The following TRIM36 variants were observed in gnomAD, a reference collection of about 807,000 sequenced individuals.
The protein encoded by TRIM36 is E3 ubiquitin-protein ligase TRIM36.
Under a neutral mutation model 72.4 loss-of-function variants are expected in TRIM36, and 42 were observed. The ratio of observed to expected loss-of-function variants is 0.58; its 90% CI spans 0.45 to 0.75. The LOEUF (loss-of-function observed/expected upper bound fraction) is 0.75, where lower values mean the gene tolerates loss of function less well. Among genes scored for constraint, TRIM36 ranks in the 30% least tolerant of loss-of-function variants. TRIM36 has a pLI of 0.00. For missense variants in TRIM36, 913 were observed against 857.1 expected, an observed-to-expected ratio of 1.07 and a Z score of -0.81; for synonymous variants, 315 against 282.8, an observed-to-expected ratio of 1.11 and a Z score of -1.14.
intron 7 of TRIM36, among the ~76,000 whole-genome samples, chr5:115,135,548 A>G (rs1016320415): frequency 5.9e-5 from 9 of 151,766 alleles, no homozygotes; most frequent in Non-Finnish European, 1.0e-4. Context: ...GGTGACTACT[A>G]TCCCATTCTC....
chr5:115,145,424 TTAAG>T (rs1407748371), intron 3 of TRIM36, among the ~76,000 whole-genome samples: 3 of 152,208 alleles, frequency 2.0e-5, no homozygotes, highest in East Asian at 1.9e-4. Context: ...GGAGATTCCT[TTAAG>T]TTAGTATGTT....
chr5:115,172,416 TAAAATC>T (rs201959147), upstream of TRIM36, among the ~76,000 whole-genome samples: 373 of 152,284 alleles, frequency 2.4e-3, 6 homozygotes, highest in East Asian at 0.058. Context: ...ATGCAGCAGT[TAAAATC>T]AATGTACTGA....
At chr5:115,173,581 T>A (rs1259820714), upstream of TRIM36, among the ~76,000 whole-genome samples, 2 of 151,858 alleles carry the variant, frequency 1.3e-5, no homozygotes, top group Admixed American at 6.6e-5. Flanking sequence ...AGTTAGAGGG[T>A]GGTAAACCTG....
At chr5:115,179,638 G>A (rs1011075804) in intron 1 of TRIM36, among the ~76,000 whole-genome samples, 2 of 152,210 alleles carry the variant, frequency 1.3e-5, no homozygotes, top group Non-Finnish European at 2.9e-5. Flanking sequence ...CTGGTTGGTG[G>A]GGCAGCGCCC....
At chr5:115,164,294 A>C (rs1379533777) in intron 1 of TRIM36, among the ~76,000 whole-genome samples, 1 of 152,210 alleles carries the variant, frequency 6.6e-6, no homozygotes, top group Non-Finnish European at 1.5e-5. Flanking sequence ...ATTCTTCATT[A>C]ATGCCTGAGG....
At chr5:115,131,629 C>T (rs753177599) in intron 8 of TRIM36, among the ~76,000 whole-genome samples, 2 of 152,014 alleles carry the variant, frequency 1.3e-5, no homozygotes, top group African/African-American at 4.8e-5. Flanking sequence ...TATTATTCAG[C>T]CTTAAAAAGG....
At chr5:115,136,058 A>C (rs1384666481) in intron 7 of TRIM36, among the ~76,000 whole-genome samples, 6 of 152,128 alleles carry the variant, frequency 3.9e-5, no homozygotes, top group Non-Finnish European at 7.3e-5. Context: ...GAGTAGCAAA[A>C]TACAAACGTA....
intron 1 of TRIM36, chr5:115,179,882 G>A: frequency 7.8e-7 from 1 of 1,274,086 alleles, no homozygotes; most frequent in Non-Finnish European, 1.1e-6. Context: ...GCCCTTCCCA[G>A]GCGCTGGAAT....
chr5:115,168,928 C>A (rs1482122089), intron 1 of TRIM36: 1 of 152,208 alleles, frequency 6.6e-6, no homozygotes, highest in Non-Finnish European at 1.5e-5. Flanking sequence ...TGTCTTGAAT[C>A]TGACTTTTTA....
chr5:115,163,309 A>G (rs569455758), intron 2 of TRIM36, among the ~76,000 whole-genome samples: 5 of 152,200 alleles, frequency 3.3e-5, no homozygotes, highest in South Asian at 4.1e-4. Context: ...TCAATATCCA[A>G]TATCTACTTC....
At chr5:115,160,395 A>T (rs1754419081) in intron 2 of TRIM36, among the ~76,000 whole-genome samples, 1 of 152,198 alleles carries the variant, frequency 6.6e-6, no homozygotes, top group African/African-American at 2.4e-5. Context: ...ATTATTAAAG[A>T]TCATTTCACA....
At chr5:115,138,983 AT>A (rs919067139) in intron 5 of TRIM36, among the ~76,000 whole-genome samples, 6 of 143,022 alleles carry the variant, frequency 4.2e-5, no homozygotes, top group South Asian at 2.2e-4. Context: ...ACCCTACTAA[AT>A]TTTTTTTTGT....
intron 5 of TRIM36, 69 bp from the exon 6 acceptor site, chr5:115,137,685 T>A (rs921361190): frequency 6.8e-7 from 1 of 1,467,490 alleles, no homozygotes; most frequent in Admixed American, 2.4e-5. Flanking sequence ...TAAACCCAAA[T>A]GGCTTTCCAC....
At chr5:115,137,756 C>T (rs1753040629) in intron 5 of TRIM36, 140 bp from the exon 6 acceptor site, 2 of 969,462 alleles carry the variant, frequency 2.1e-6, no homozygotes, top group South Asian at 2.4e-5. Flanking sequence ...TTTGATAAAA[C>T]CAACCTAGAT....
At chr5:115,177,524 T>A (rs767490992) in intron 1 of TRIM36, 1 of 1,342,710 alleles carries the variant, frequency 7.4e-7, no homozygotes, top group Non-Finnish European at 9.6e-7. Context: ...ATAAAGCAAG[T>A]CAGTCTCAAA....
upstream of TRIM36, among the ~76,000 whole-genome samples, chr5:115,170,310 G>A (rs1237992577): frequency 1.3e-5 from 2 of 152,192 alleles, no homozygotes; most frequent in Non-Finnish European, 2.9e-5. Flanking sequence ...CCTGGCCCCT[G>A]GCCCTGCGCT....
intron 2 of TRIM36, chr5:115,148,282 T>G: frequency 1.1e-6 from 1 of 931,618 alleles, no homozygotes; most frequent in African/African-American, 1.8e-5. Context: ...ACATTTTTGT[T>G]CAGTATTATC....
At position 115,160,728 on chromosome 5, in the gene TRIM36, C is replaced by A. The variant is rs990029537; in HGVS notation, c.262+2790G>T. Among the ~76,000 whole-genome samples the A allele has an allele frequency of 1.2e-4, 18 of 152,136 alleles. 1 individual carries two copies. Among genetic ancestry groups the A allele is most frequent in the Non-Finnish European group, 1.9e-4 (13 of 68,022 alleles). On this transcript the variant is annotated intron_variant, in intron 2 of 9. Coordinates refer to ENST00000513154, the MANE Select transcript of TRIM36 (RefSeq NM_001300759.2). ...CGAGTGAGTAGCATGCACCTCTAGTCTCCGGTATGTAGGAGGCTGAGGCAG... is the reference window on the plus strand; with the variant it reads ...CGAGTGAGTAGCATGCACCTCTAGTATCCGGTATGTAGGAGGCTGAGGCAG...
intron 1 of TRIM36, among the ~76,000 whole-genome samples, chr5:115,164,979 C>T (rs1754683834): frequency 6.6e-6 from 1 of 152,226 alleles, no homozygotes; most frequent in African/African-American, 2.4e-5. Flanking sequence ...CCATGAAAGT[C>T]TGAAACCCAA....
Sources: allele counts gnomAD v4.1 joint callset (sites outside exome capture counted in the v4.1 genomes callset), GRCh38; gene constraint gnomAD v4.1.1; transcripts MANE v1.5; gene names NCBI Gene and HGNC (gene_info 2026-07-23, HGNC 2026-07-21).